Variants in PCDH15 observed in about 807,000 individuals in gnomAD.
The protein encoded by PCDH15 is protocadherin-15.
In PCDH15, 129 loss-of-function variants were observed where a neutral mutation model predicts 178.5. The observed-to-expected ratio is 0.72, with a 90% CI of 0.63 to 0.84. PCDH15 has a LOEUF of 0.84. Ranked by LOEUF, PCDH15 falls within the 40% of genes least tolerant of loss-of-function variation. PCDH15 has a pLI of 0.00. For missense variants in PCDH15, 2,230 were observed against 2,099.9 expected, an observed-to-expected ratio of 1.06 and a Z score of -1.21; for synonymous variants, 800 against 732.0, an observed-to-expected ratio of 1.09 and a Z score of -1.50.
At chr10:54,397,675 C>T (rs1951417179) in intron 3 of PCDH15, among the ~76,000 whole-genome samples, 1 of 151,898 alleles carries the variant, frequency 6.6e-6, no homozygotes, top group Non-Finnish European at 1.5e-5. Context: ...TCAAACCAGG[C>T]ACTAAATGGC....
intron 1 of PCDH15, among the ~76,000 whole-genome samples, chr10:54,683,498 C>A (rs561496103): frequency 9.2e-5 from 14 of 152,062 alleles, no homozygotes; most frequent in Non-Finnish European, 1.8e-4. Flanking sequence ...TATTTTATCA[C>A]GTTTCAGATG....
intron 2 of PCDH15, among the ~76,000 whole-genome samples, chr10:55,556,822 C>T (rs2132093883): frequency 6.6e-6 from 1 of 152,260 alleles, no homozygotes; most frequent in East Asian, 1.9e-4. Flanking sequence ...TCGTGGGAGA[C>T]TGTGTCTCAA....
chr10:53,810,745 T>C, intron 36 of PCDH15, 81 bp from the exon 37 acceptor site: 1 of 1,271,758 alleles, frequency 7.9e-7, no homozygotes, highest in Non-Finnish European at 1.1e-6. Flanking sequence ...TTTCCTTCTT[T>C]TTCTTCCGCC....
At chr10:54,796,229 T>A (rs898444563) in intron 1 of PCDH15, among the ~76,000 whole-genome samples, 2 of 78,196 alleles carry the variant, frequency 2.6e-5, no homozygotes, top group African/African-American at 1.3e-4. Flanking sequence ...ACATTATCTA[T>A]CTATCTATCT....
chr10:54,363,882 T>C (rs1589045434), intron 5 of PCDH15, among the ~76,000 whole-genome samples: 1 of 152,184 alleles, frequency 6.6e-6, no homozygotes, highest in African/African-American at 2.4e-5. Flanking sequence ...AAAAATTTCA[T>C]TTTTTATTTG....
intron 13 of PCDH15, among the ~76,000 whole-genome samples, chr10:54,181,918 A>G (rs543475668): frequency 7.2e-4 from 109 of 152,164 alleles, no homozygotes; most frequent in African/African-American, 2.6e-3. Flanking sequence ...ATAGCATTGA[A>G]TGATTTCTTT....
At chr10:55,159,388 T>TATATAC (rs1465817928) in intron 2 of PCDH15, among the ~76,000 whole-genome samples, 10 of 19,318 alleles carry the variant, frequency 5.2e-4, no homozygotes, top group African/African-American at 8.6e-4. Flanking sequence ...TATATATATA[T>TATATAC]ACACACATAC....
intron 2 of PCDH15, among the ~76,000 whole-genome samples, chr10:54,580,367 A>T (rs780744919): frequency 1.3e-5 from 2 of 152,100 alleles, no homozygotes; most frequent in Non-Finnish European, 2.9e-5. Flanking sequence ...AATCTAGAGG[A>T]AATTGATACA....
intron 5 of PCDH15, among the ~76,000 whole-genome samples, chr10:54,356,672 T>C (rs1163408739): frequency 6.6e-6 from 1 of 151,286 alleles, no homozygotes; most frequent in Admixed American, 6.7e-5. Context: ...CTCAATACTG[T>C]CAAGGTCATC....
chr10:54,575,300 TA>T (rs891264052), intron 2 of PCDH15: 35 of 152,018 alleles, frequency 2.3e-4, no homozygotes, highest in African/African-American at 7.3e-4. Context: ...TAAAGTATAA[TA>T]AAAAAAAAAA....
chr10:53,929,145 G>T (rs2084824818), intron 25 of PCDH15, among the ~76,000 whole-genome samples: 1 of 151,942 alleles, frequency 6.6e-6, no homozygotes, highest in Admixed American at 6.6e-5. Context: ...ACCAATTTGG[G>T]ATCAATGGAA....
intron 1 of PCDH15, among the ~76,000 whole-genome samples, chr10:55,253,963 G>A (rs1841918832): frequency 1.3e-5 from 2 of 152,106 alleles, no homozygotes; most frequent in Admixed American, 1.3e-4. Flanking sequence ...CAAAATGCTG[G>A]TGAGCCACTG....
At chr10:53,827,625 T>C (rs1027447401) in intron 31 of PCDH15, 77 bp from the exon 32 acceptor site, 1 of 1,540,032 alleles carries the variant, frequency 6.5e-7, no homozygotes, top group Non-Finnish European at 8.9e-7. Flanking sequence ...CTTTTAATAA[T>C]GGGGTCCAGT....
chr10:54,846,028 T>C (rs1286156845), intron 3 of PCDH15, among the ~76,000 whole-genome samples: 1 of 152,154 alleles, frequency 6.6e-6, no homozygotes, highest in Non-Finnish European at 1.5e-5. Flanking sequence ...AATATGGTTT[T>C]ATATTCTTAT....
chr10:55,161,679 T>C (rs1406407507), intron 2 of PCDH15, among the ~76,000 whole-genome samples: 1 of 152,170 alleles, frequency 6.6e-6, no homozygotes, highest in Non-Finnish European at 1.5e-5. Context: ...AACCCTTTCA[T>C]TACTATTACA....
At chr10:54,573,294 T>C (rs574822695) in intron 2 of PCDH15, among the ~76,000 whole-genome samples, 3 of 152,152 alleles carry the variant, frequency 2.0e-5, no homozygotes, top group Non-Finnish European at 4.4e-5. Context: ...TTTTTCTTGA[T>C]GTTTTCATAA....
chr10:54,427,393 C>T (rs956634801), intron 3 of PCDH15, among the ~76,000 whole-genome samples: 4 of 150,230 alleles, frequency 2.7e-5, no homozygotes, highest in Non-Finnish European at 4.4e-5. Context: ...ATTCTCCTGC[C>T]TCAGCTTCTT....
At chr10:54,767,048 CATT>C (rs1948602709) in intron 1 of PCDH15, among the ~76,000 whole-genome samples, 1 of 152,046 alleles carries the variant, frequency 6.6e-6, no homozygotes, top group Non-Finnish European at 1.5e-5. Context: ...TATATTTTAA[CATT>C]ATAGACTTAG....
chr10:54,592,725 A>C (rs908559004), intron 2 of PCDH15, among the ~76,000 whole-genome samples: 2 of 152,192 alleles, frequency 1.3e-5, no homozygotes, highest in African/African-American at 4.8e-5. Flanking sequence ...GGATTGCTGA[A>C]GCATTTGGTA....
Sources: gnomAD v4.1 joint callset for allele counts (sites outside exome capture counted in the v4.1 genomes callset) on GRCh38, gnomAD v4.1.1 for gene constraint, MANE v1.5 for transcripts, NCBI Gene and HGNC (gene_info 2026-07-23, HGNC 2026-07-21) for gene names.